TBC1D5: variants seen among roughly 807,000 people sequenced by gnomAD.
The protein encoded by TBC1D5 is TBC1 domain family member 5, also known as TBC1 domain family, member 5.
In TBC1D5, 75 loss-of-function variants were observed where a neutral mutation model predicts 100.3. The observed-to-expected ratio is 0.75, with a 90% confidence interval of 0.62 to 0.91. TBC1D5 has a LOEUF of 0.91. Among genes scored for constraint, TBC1D5 ranks in the 40% least tolerant of loss-of-function variants. The pLI is 0.00. For missense variants in TBC1D5, 910 were observed against 942.4 expected (o/e 0.97, Z 0.45); for synonymous variants, 323 against 325.6 (o/e 0.99, Z 0.09).
chr3:17,680,905 A>C (rs999499914), intron 1 of TBC1D5, among the ~76,000 whole-genome samples: 3 of 151,470 alleles, frequency 2.0e-5, no homozygotes, highest in African/African-American at 7.4e-5. Context: ...TTTTGCAACC[A>C]CATGGGAGGT....
At chr3:17,247,243 G>A (rs556770436) in intron 16 of TBC1D5, among the ~76,000 whole-genome samples, 1 of 152,166 alleles carries the variant, frequency 6.6e-6, no homozygotes, top group African/African-American at 2.4e-5. Context: ...CACTGGGAGA[G>A]AACAACTGAA....
chr3:17,258,658 CA>C, intron 15 of TBC1D5, 67 bp from the exon 16 acceptor site: 2 of 1,249,754 alleles, frequency 1.6e-6, no homozygotes, highest in Non-Finnish European at 2.3e-6. Context: ...AAGAGGACAG[CA>C]ATGATCATTT....
intron 3 of TBC1D5, among the ~76,000 whole-genome samples, chr3:17,439,320 C>T (rs547967221): frequency 6.6e-6 from 1 of 152,290 alleles, no homozygotes; most frequent in African/African-American, 2.4e-5. Flanking sequence ...ACCAGGGTAG[C>T]TGATCCTATC....
chr3:17,478,734 C>T (rs1419485580), intron 3 of TBC1D5, among the ~76,000 whole-genome samples: 1 of 152,154 alleles, frequency 6.6e-6, no homozygotes, highest in African/African-American at 2.4e-5. Context: ...GTCTAGATCT[C>T]ATGAAATCCT....
At chr3:17,398,495 A>C (rs1359052198) in intron 8 of TBC1D5, among the ~76,000 whole-genome samples, 1 of 152,146 alleles carries the variant, frequency 6.6e-6, no homozygotes, top group Admixed American at 6.6e-5. Flanking sequence ...AAGTGTGCTT[A>C]TGTCTGTGAA....
At chr3:17,187,572 G>C (rs1030625265) in intron 18 of TBC1D5, among the ~76,000 whole-genome samples, 6 of 152,214 alleles carry the variant, frequency 3.9e-5, no homozygotes, top group Non-Finnish European at 7.3e-5. Flanking sequence ...GATCTATGAT[G>C]GGAGTACTAG....
chr3:17,216,321 C>T (rs561061104), intron 17 of TBC1D5, among the ~76,000 whole-genome samples: 1 of 152,198 alleles, frequency 6.6e-6, no homozygotes, highest in East Asian at 1.9e-4. Flanking sequence ...CCAGTCAATA[C>T]AGGACTCCTT....
intron 14 of TBC1D5, among the ~76,000 whole-genome samples, chr3:17,305,590 C>G (rs770732177): frequency 1.3e-5 from 2 of 152,134 alleles, no homozygotes; most frequent in African/African-American, 4.8e-5. Context: ...TTTTTCAAAT[C>G]TTTAGGTTAC....
intron 2 of TBC1D5, among the ~76,000 whole-genome samples, chr3:17,604,903 G>T (rs112087742): frequency 0.072 from 10,895 of 151,972 alleles, 797 homozygotes; most frequent in African/African-American, 0.19. Flanking sequence ...CTCCAACTCC[G>T]GGCCTCAAGC....
At chr3:17,242,961 T>C (rs2076426937) in intron 16 of TBC1D5, among the ~76,000 whole-genome samples, 1 of 152,194 alleles carries the variant, frequency 6.6e-6, no homozygotes, top group Admixed American at 6.5e-5. Flanking sequence ...CTGTTAGATT[T>C]TGTTAATGTA....
intron 15 of TBC1D5, among the ~76,000 whole-genome samples, chr3:17,281,270 T>C (rs896259842): frequency 4.6e-5 from 7 of 152,222 alleles, no homozygotes; most frequent in African/African-American, 1.7e-4. Flanking sequence ...AATAGTATTT[T>C]AGAGAAAGAC....
chr3:17,408,260 GACTATCCAACACACACAC>G (rs1285208572), intron 4 of TBC1D5, among the ~76,000 whole-genome samples: 1 of 140,534 alleles, frequency 7.1e-6, no homozygotes, highest in Admixed American at 7.5e-5. Context: ...GCCCTCAGAA[GACTATCCAACACACACAC>G]ACACACACAC....
chr3:17,292,157 T>C (rs1312093421), intron 14 of TBC1D5, among the ~76,000 whole-genome samples, 156 bp from the exon 15 acceptor site: 2 of 152,220 alleles, frequency 1.3e-5, no homozygotes, highest in African/African-American at 2.4e-5. Context: ...CTTTACCAAA[T>C]TGCCTTTGAA....
intron 1 of TBC1D5, among the ~76,000 whole-genome samples, chr3:17,689,607 T>C (rs4128509): frequency 0.57 from 86,656 of 151,644 alleles, 25,572 homozygotes; most frequent in East Asian, 0.99. Context: ...AATGTATAAT[T>C]CAGACAATGT....
chr3:17,545,043 T>C (rs1257410864), intron 2 of TBC1D5, among the ~76,000 whole-genome samples: 1 of 152,174 alleles, frequency 6.6e-6, no homozygotes, highest in Non-Finnish European at 1.5e-5. Flanking sequence ...TCAGAGCTGT[T>C]ATGGATCAAT....
At chr3:17,453,574 A>G (rs933793340) in intron 3 of TBC1D5, among the ~76,000 whole-genome samples, 21 of 152,196 alleles carry the variant, frequency 1.4e-4, no homozygotes, top group Non-Finnish European at 2.1e-4. Flanking sequence ...AAATTCCTAG[A>G]CACATACAAT....
chr3:17,368,228 A>G (rs1281555862), intron 13 of TBC1D5, among the ~76,000 whole-genome samples: 2 of 152,168 alleles, frequency 1.3e-5, no homozygotes, highest in Admixed American at 1.3e-4. Context: ...TAAAACTAGG[A>G]TCATGTAATT....
chr3:17,165,256 C>G (rs2066478792), intron 21 of TBC1D5, among the ~76,000 whole-genome samples: 1 of 152,180 alleles, frequency 6.6e-6, no homozygotes, highest in Non-Finnish European at 1.5e-5. Flanking sequence ...AAAGTATAAT[C>G]ATTAAGTTCT....
At chr3:17,315,294 A>C (rs1327811922) in intron 13 of TBC1D5, among the ~76,000 whole-genome samples, 1 of 152,222 alleles carries the variant, frequency 6.6e-6, no homozygotes, top group Non-Finnish European at 1.5e-5. Flanking sequence ...TTTTCAAGGA[A>C]AACACTATTA....
Sources: allele counts gnomAD v4.1 joint callset (sites outside exome capture counted in the v4.1 genomes callset), GRCh38; gene constraint gnomAD v4.1.1; transcripts MANE v1.5; gene names NCBI Gene and HGNC (gene_info 2026-07-23, HGNC 2026-07-21).